PTPRG: variants seen among roughly 807,000 people sequenced by gnomAD.
The protein encoded by PTPRG is receptor-type tyrosine-protein phosphatase gamma.
Under a neutral mutation model 165.3 loss-of-function variants are expected in PTPRG, and 102 were observed. The ratio of observed to expected loss-of-function variants is 0.62; its 90% CI spans 0.53 to 0.73. The LOEUF is 0.73. Ranked by LOEUF, PTPRG falls within the 30% of genes least tolerant of loss-of-function variation. The pLI, the probability that PTPRG is intolerant of heterozygous loss-of-function variation, is 0.00. For missense variants in PTPRG, 1,866 were observed against 1,861.4 expected (o/e 1.00, Z -0.05); for synonymous variants, 675 against 669.5 (o/e 1.01, Z -0.13).
At chr3:62,082,362 A>G (rs760279858) in intron 5 of PTPRG, among the ~76,000 whole-genome samples, 1 of 152,198 alleles carries the variant, frequency 6.6e-6, no homozygotes, top group African/African-American at 2.4e-5. Context: ...CCTAGCAGAC[A>G]TCTGGTTGTC....
intron 1 of PTPRG, among the ~76,000 whole-genome samples, chr3:61,720,820 T>C (rs2032014169): frequency 6.6e-6 from 1 of 152,210 alleles, no homozygotes; most frequent in South Asian, 2.1e-4. Flanking sequence ...CAATGGAAAA[T>C]GCAGTTAGAG....
intron 2 of PTPRG, among the ~76,000 whole-genome samples, chr3:61,890,408 C>CTTTG (rs2038177229): frequency 1.1e-5 from 1 of 89,904 alleles, no homozygotes; most frequent in African/African-American, 7.0e-5. Context: ...GTTTCTTGTT[C>CTTTG]TTTGTTTTTT....
At chr3:62,132,723 A>C (rs1377156643) in intron 6 of PTPRG, 55 bp downstream of exon 6, 3 of 1,439,718 alleles carry the variant, frequency 2.1e-6, no homozygotes, top group Admixed American at 1.7e-5. Flanking sequence ...TCAGATCTCT[A>C]CCTAAAAGAA....
At chr3:62,280,038 T>C (rs1702374865) in intron 26 of PTPRG, among the ~76,000 whole-genome samples, 1 of 152,062 alleles carries the variant, frequency 6.6e-6, no homozygotes, top group South Asian at 2.1e-4. Flanking sequence ...TTTTTAGGGA[T>C]AGAATTCAAG....
intron 2 of PTPRG, among the ~76,000 whole-genome samples, chr3:61,934,421 C>G (rs74565517): frequency 0.017 from 2,633 of 151,992 alleles, 45 homozygotes; most frequent in South Asian, 0.075. Flanking sequence ...TGTTTTTCTG[C>G]TGTAACAATA....
chr3:61,576,848 A>G (rs1000095161), intron 1 of PTPRG, among the ~76,000 whole-genome samples: 1 of 152,208 alleles, frequency 6.6e-6, no homozygotes, highest in Non-Finnish European at 1.5e-5. Context: ...TCATATTTTA[A>G]TTGGTAAGAT....
chr3:62,072,928 T>C (rs111859371), intron 4 of PTPRG, among the ~76,000 whole-genome samples: 1 of 152,074 alleles, frequency 6.6e-6, no homozygotes. Flanking sequence ...GCAGGGAAAA[T>C]GTAGGATGAG....
At chr3:62,153,764 A>G (rs1335032195) in intron 6 of PTPRG, among the ~76,000 whole-genome samples, 1 of 152,176 alleles carries the variant, frequency 6.6e-6, no homozygotes, top group African/African-American at 2.4e-5. Flanking sequence ...CAGCCTAGGA[A>G]GGTTTCGTAA....
intron 16 of PTPRG, among the ~76,000 whole-genome samples, chr3:62,258,321 T>C (rs1234450555): frequency 6.6e-6 from 1 of 152,222 alleles, no homozygotes. Context: ...TCTACCATTC[T>C]CTGGACATAA....
intron 5 of PTPRG, among the ~76,000 whole-genome samples, chr3:62,127,547 C>T (rs557295186): frequency 6.6e-6 from 1 of 152,294 alleles, no homozygotes; most frequent in African/African-American, 2.4e-5. Flanking sequence ...CCATGGTTAA[C>T]GGTATAGCCA....
intron 2 of PTPRG, among the ~76,000 whole-genome samples, chr3:61,961,762 C>T (rs1443152142): frequency 1.3e-5 from 2 of 152,178 alleles, no homozygotes; most frequent in Non-Finnish European, 2.9e-5. Flanking sequence ...CTGGGACTAA[C>T]AGCATCAGCA....
At chr3:61,918,184 A>G (rs1261036929) in intron 2 of PTPRG, among the ~76,000 whole-genome samples, 2 of 152,176 alleles carry the variant, frequency 1.3e-5, no homozygotes, top group Non-Finnish European at 2.9e-5. Flanking sequence ...TAATCAAAAA[A>G]ATACTTGGAT....
intron 2 of PTPRG, among the ~76,000 whole-genome samples, chr3:61,972,904 C>G (rs1253474141): frequency 6.6e-6 from 1 of 152,020 alleles, no homozygotes. Flanking sequence ...AGTGATCCTC[C>G]CACCACAGCC....
chr3:61,849,630 C>A (rs1228086052), intron 2 of PTPRG, among the ~76,000 whole-genome samples: 2 of 152,204 alleles, frequency 1.3e-5, no homozygotes, highest in African/African-American at 2.4e-5. Flanking sequence ...GAAGCCCACA[C>A]AGTCATCAAA....
At chr3:62,288,545 C>T (rs1000269442) in intron 28 of PTPRG, among the ~76,000 whole-genome samples, 2 of 151,828 alleles carry the variant, frequency 1.3e-5, no homozygotes, top group African/African-American at 2.4e-5. Flanking sequence ...TGGTGGCAGG[C>T]GCCAGTAATC....
At position 61,652,127 on chromosome 3, in the gene PTPRG, G is replaced by A. The variant is rs141388728; in HGVS notation, c.85+89755G>A. On this transcript the variant is annotated intron_variant, in intron 1 of 29. Coordinates refer to ENST00000474889, the MANE Select transcript of PTPRG (RefSeq NM_002841.4). ...GTTCAAGACCAGCCTGGCCAAGATGGTAAAACCCCATCTCTACTAAAAATA... is the reference window on the plus strand; with the variant it reads ...GTTCAAGACCAGCCTGGCCAAGATGATAAAACCCCATCTCTACTAAAAATA... 9.1e-3 allele frequency among the ~76,000 whole-genome samples: 1,381 copies of A among 152,196 alleles called. 27 individuals are homozygous for A. Among genetic ancestry groups the A allele is most frequent in the African/African-American group, 0.029 (1,198 of 41,530 alleles).
intron 28 of PTPRG, among the ~76,000 whole-genome samples, chr3:62,291,851 T>G (rs1047793678): frequency 6.6e-6 from 1 of 152,158 alleles, no homozygotes; most frequent in Non-Finnish European, 1.5e-5. Flanking sequence ...AGAACCACAT[T>G]TATCTTTCCA....
At chr3:61,825,019 T>C (rs1291039205) in intron 2 of PTPRG, among the ~76,000 whole-genome samples, 1 of 152,170 alleles carries the variant, frequency 6.6e-6, no homozygotes, top group Non-Finnish European at 1.5e-5. Context: ...CAGTGCAGAA[T>C]GGGAAGCAAA....
intron 1 of PTPRG, among the ~76,000 whole-genome samples, chr3:61,739,757 G>A (rs2032906844): frequency 6.6e-6 from 1 of 152,168 alleles, no homozygotes; most frequent in South Asian, 2.1e-4. Context: ...CAGGCCATGG[G>A]TGCAAACACA....
Sources: allele counts gnomAD v4.1 joint callset (sites outside exome capture counted in the v4.1 genomes callset), GRCh38; gene constraint gnomAD v4.1.1; transcripts MANE v1.5; gene names NCBI Gene and HGNC (gene_info 2026-07-23, HGNC 2026-07-21).